Variants in ANK1 observed in about 807,000 individuals in gnomAD.
The protein encoded by ANK1 is ankyrin 1, also known as ankyrin-1.
A neutral mutation model predicts 210.4 loss-of-function variants in ANK1; 51 were observed. The ratio of observed to expected loss-of-function variants is 0.24; its 90% CI spans 0.19 to 0.31. The LOEUF (loss-of-function observed/expected upper bound fraction) is 0.31, where lower values mean the gene tolerates loss of function less well. Among genes scored for constraint, ANK1 ranks in the 10% least tolerant of loss-of-function variants. The probability of loss-of-function intolerance (pLI) is 1.00; values close to 1 mark genes in which losing one functional copy is unlikely to be tolerated. For synonymous variants in ANK1, 967 were observed against 1,025.9 expected, an observed-to-expected ratio of 0.94 and a Z score of 1.10; for missense variants, 2,051 against 2,504.4, an observed-to-expected ratio of 0.82 and a Z score of 3.86.
intron 21 of ANK1, among the ~76,000 whole-genome samples, 196 bp from the exon 22 acceptor site, chr8:41,701,818 A>C (rs1822882334): frequency 6.6e-6 from 1 of 152,162 alleles, no homozygotes; most frequent in African/African-American, 2.4e-5. Context: ...CCATCTCCCC[A>C]AACCCCATCC....
chr8:41,661,251 T>C, intron 42 of ANK1, 179 bp downstream of exon 42: 1 of 892,550 alleles, frequency 1.1e-6, no homozygotes, highest in South Asian at 1.6e-5. Context: ...ATGAGGAAGC[T>C]GGGGTTCAGA....
chr8:41,851,524 C>T (rs904490139), intron 1 of ANK1, among the ~76,000 whole-genome samples: 2 of 152,246 alleles, frequency 1.3e-5, no homozygotes, highest in Non-Finnish European at 2.9e-5. Flanking sequence ...TACGACTCCA[C>T]CTCTGGAGGC....
At chr8:41,803,980 A>T (rs763908796) in intron 1 of ANK1, among the ~76,000 whole-genome samples, 3 of 152,296 alleles carry the variant, frequency 2.0e-5, no homozygotes, top group Non-Finnish European at 4.4e-5. Flanking sequence ...TGGTTATTTT[A>T]ATTTGCTACT....
At chr8:41,894,178 A>G (rs1819990346) in intron 1 of ANK1, among the ~76,000 whole-genome samples, 1 of 152,158 alleles carries the variant, frequency 6.6e-6, no homozygotes, top group African/African-American at 2.4e-5. Context: ...CCAAAGAATC[A>G]GTCCTAAGAG....
At chr8:41,805,101 TTC>T (rs1210115438) in intron 1 of ANK1, among the ~76,000 whole-genome samples, 2 of 151,000 alleles carry the variant, frequency 1.3e-5, no homozygotes, top group Non-Finnish European at 3.0e-5. Flanking sequence ...GTGTGTGTGT[TTC>T]TCTCTCTCAT....
rs149710074 is a variant in ANK1, at chr8:41,742,659, G to A, written c.130-8590C>T. ...AATATCTATTATCCAATGATTGGTC[G>A]AGCCAGGCCCAGAGGCAAGGGAGCA... is the stretch of plus-strand genomic sequence containing the variant. On this transcript the variant is annotated intron_variant, in intron 2 of 42. Coordinates refer to ENST00000289734, the MANE Select transcript of ANK1 (RefSeq NM_000037.4). Among the ~76,000 whole-genome samples the A allele has an allele frequency of 1.7e-3, 256 of 152,276 alleles. 1 individual carries two copies. Among genetic ancestry groups the A allele is most frequent in the African/African-American group, 5.5e-3 (229 of 41,554 alleles).
chr8:41,831,322 A>G (rs532257720), intron 1 of ANK1, among the ~76,000 whole-genome samples: 3 of 152,302 alleles, frequency 2.0e-5, no homozygotes, highest in African/African-American at 7.2e-5. Flanking sequence ...ATGACCCAGC[A>G]ATCCCACTCC....
At chr8:41,824,709 C>T (rs985582154) in intron 1 of ANK1, among the ~76,000 whole-genome samples, 10 of 152,142 alleles carry the variant, frequency 6.6e-5, no homozygotes, top group African/African-American at 1.4e-4. Flanking sequence ...ACCCCGCCTT[C>T]GCCACTCTTA....
At chr8:41,692,224 T>C (rs187863833) in intron 31 of ANK1, among the ~76,000 whole-genome samples, 67 of 152,220 alleles carry the variant, frequency 4.4e-4, no homozygotes, top group Admixed American at 1.1e-3. Flanking sequence ...GCCCGGCTAA[T>C]TTTTGTATTT....
At chr8:41,824,298 T>C (rs77856054) in intron 1 of ANK1, among the ~76,000 whole-genome samples, 3,990 of 152,228 alleles carry the variant, frequency 0.026, 163 homozygotes, top group African/African-American at 0.087. Context: ...AAAAGTCTTA[T>C]AATTATTATT....
At chr8:41,748,598 T>C (rs1424893188) in intron 2 of ANK1, among the ~76,000 whole-genome samples, 1 of 152,196 alleles carries the variant, frequency 6.6e-6, no homozygotes, top group Admixed American at 6.5e-5. Context: ...ACTCGGAGAC[T>C]TGTATCCTTC....
chr8:41,715,661 G>A lies in ANK1; in HGVS notation c.1593C>T (p.Cys531=). ...AGGCGGGAGGCTGTACCTTGGTCAT[G>A]CAGGCCTGGGATGCTTCCTTTTCCA... is the stretch of plus-strand genomic sequence containing the variant. The part of the protein sequence containing the change: ...ALLEKEASQA[C]MTKKGFTPLH... The change falls in exon 14 of 43, where the codon TGC becomes TGT. Residue 531 remains cysteine (C), a synonymous_variant. Coordinates refer to ENST00000289734, the MANE Select transcript of ANK1 (RefSeq NM_000037.4). 6.2e-7 allele frequency: 1 copy of A among 1,613,398 alleles called. No individual in the cohort carries two copies. The highest frequency in any genetic ancestry group is 8.5e-7 in the Non-Finnish European group (1 of 1,179,978).
At chr8:41,714,857 C>T (rs555883485) in intron 15 of ANK1, 119 bp downstream of exon 15, 5 of 1,088,836 alleles carry the variant, frequency 4.6e-6, no homozygotes, top group South Asian at 3.9e-5. Flanking sequence ...GAGACCCTGT[C>T]TCAAAGAAAA....
chr8:41,854,197 A>G (rs1375420125), intron 1 of ANK1, among the ~76,000 whole-genome samples: 2 of 152,200 alleles, frequency 1.3e-5, no homozygotes, highest in Non-Finnish European at 2.9e-5. Context: ...CCCAGGAGAG[A>G]GAGAACATCT....
chr8:41,802,107 G>A (rs202093612), upstream of ANK1, among the ~76,000 whole-genome samples: 379 of 151,914 alleles, frequency 2.5e-3, 2 homozygotes, highest in East Asian at 0.016. Flanking sequence ...CTCCTGCCTC[G>A]GCCTCCCGAA....
chr8:41,719,342 C>T lies in ANK1; in HGVS notation c.1107+319G>A, dbSNP rs542251261. ...TCACTCAGCTCCAGGCCTGGCTCCA[C>T]TGGAGAGATGCCCCAAGCCCGCATA... On this transcript the variant is annotated intron_variant, in intron 10 of 42. Coordinates refer to ENST00000289734, the MANE Select transcript of ANK1 (RefSeq NM_000037.4). Among the ~76,000 whole-genome samples the T allele has an allele frequency of 9.8e-5, 15 of 152,316 alleles. No homozygotes were observed. The East Asian group carries it at 2.5e-3, about 26-fold the overall frequency.
intron 1 of ANK1, among the ~76,000 whole-genome samples, chr8:41,762,760 A>G (rs866148442): frequency 2.6e-5 from 4 of 152,230 alleles, no homozygotes; most frequent in African/African-American, 9.6e-5. Context: ...ATTCCCCAAG[A>G]ATAAGAATGT....
rs527774325 is a variant in ANK1 at position 41,751,249 on chromosome 8, G to A, written c.129+6787C>T. Among the ~76,000 whole-genome samples, 35 of 152,252 alleles carry A rather than the reference G, an allele frequency of 2.3e-4. No homozygotes were observed. In the East Asian group the frequency reaches 5.0e-3, roughly 22 times the overall value. On this transcript the variant is annotated intron_variant, in intron 2 of 42. Transcript: ENST00000289734. ...ATATGGGTCTGTGCACAATTATGTG[G>A]CCATTTATTAAGACAAATGCCAGAG...
chr8:41,658,236 C>A (rs1806468868), intron 42 of ANK1, among the ~76,000 whole-genome samples: 1 of 152,124 alleles, frequency 6.6e-6, no homozygotes, highest in South Asian at 2.1e-4. Context: ...GAAATGCTGG[C>A]ATTATTGCTA....
Sources: gnomAD v4.1 joint callset for allele counts (sites outside exome capture counted in the v4.1 genomes callset) on GRCh38, gnomAD v4.1.1 for gene constraint, MANE v1.5 for transcripts, NCBI Gene and HGNC (gene_info 2026-07-23, HGNC 2026-07-21) for gene names.